Variants in COL6A1 observed in about 807,000 individuals in gnomAD.
The protein encoded by COL6A1 is collagen type VI alpha 1 chain, also known as collagen alpha-1(VI) chain.
In COL6A1, 80 loss-of-function variants were observed where a neutral mutation model predicts 145.6. The observed-to-expected ratio is 0.55, with a 90% CI of 0.46 to 0.66. The LOEUF is 0.66. Among genes scored for constraint, COL6A1 ranks in the 30% least tolerant of loss-of-function variants. The pLI is 0.00. For synonymous variants in COL6A1, 638 were observed against 622.8 expected, an observed-to-expected ratio of 1.02 and a Z score of -0.36; for missense variants, 1,364 against 1,473.8, an observed-to-expected ratio of 0.93 and a Z score of 1.22.
At position 45,987,480 on chromosome 21, in the gene COL6A1, C is replaced by G; in HGVS notation, c.739-19C>G. ...CCGTGGCTTTCCCACTGACTCGTCTCCATGCTTTCCCCCCACAGTGCTGCT... is the reference window on the plus strand; with the variant it reads ...CCGTGGCTTTCCCACTGACTCGTCTGCATGCTTTCCCCCCACAGTGCTGCT... On this transcript the variant is annotated intron_variant, in intron 6 of 34. Transcript: ENST00000361866. 1.2e-6 allele frequency: 2 copies of G among 1,613,078 alleles called. No homozygotes were observed. Among genetic ancestry groups the G allele is most frequent in the South Asian group, 2.2e-5 (2 of 91,086 alleles).
At chr21:45,999,438 A>T (rs2077825577) in intron 26 of COL6A1, 1 of 736,328 alleles carries the variant, frequency 1.4e-6, no homozygotes, top group East Asian at 2.7e-5. Flanking sequence ...GCGGGTCCTC[A>T]GGGTGGGGCC....
At position 46,000,317 on chromosome 21, in the gene COL6A1, C is replaced by G. The variant is rs780492579; in HGVS notation, c.1777-14C>G. 6.8e-6 allele frequency: 11 copies of G among 1,613,920 alleles called. No homozygotes were observed. The highest frequency in any genetic ancestry group is 9.3e-6 in the Non-Finnish European group (11 of 1,179,868). On this transcript the variant is annotated splice_polypyrimidine_tract_variant and intron_variant, in intron 27 of 34. Transcript: ENST00000361866. ...CTGTCTATGGCCCCAGTACCCTCGT[C>G]TCTCCCTCCCCAGGAATGCGAGATT...
chr21:45,983,390 C>T (rs1324276481), intron 2 of COL6A1, among the ~76,000 whole-genome samples: 4 of 146,292 alleles, frequency 2.7e-5, no homozygotes, highest in Admixed American at 6.7e-5. Context: ...TGCACAGGGC[C>T]GCTGAGGGGG....
At chr21:45,995,657 G>A (rs917504029) in intron 20 of COL6A1, among the ~76,000 whole-genome samples, 9 of 152,244 alleles carry the variant, frequency 5.9e-5, no homozygotes, top group African/African-American at 1.9e-4. Flanking sequence ...CAGGCCGGCT[G>A]CAGGGCCTCC....
chr21:45,989,544 G>A, intron 9 of COL6A1, 64 bp from the exon 10 acceptor site: 1 of 1,528,658 alleles, frequency 6.5e-7, no homozygotes, highest in Non-Finnish European at 9.0e-7. Flanking sequence ...GTGTGGGGCT[G>A]GGTGGGACTG....
chr21:46,003,187 G>T, intron 34 of COL6A1, 38 bp downstream of exon 34: 1 of 1,613,742 alleles, frequency 6.2e-7, no homozygotes, highest in South Asian at 1.1e-5. Flanking sequence ...GGGGAGGAGG[G>T]CACCGTGGTT....
chr21:46,003,692 T>C lies in COL6A1; in HGVS notation c.2766T>C (p.Tyr922=), dbSNP rs889975432. ...DATDVNDALG[Y]VTRFYREASS... is the part of the protein sequence containing the mutation. ...CCGACGTCAACGATGCCCTGGGCTA[T>C]GTGACCCGCTTCTACCGCGAGGCCT... The change falls in exon 35 of 35, where the codon TAT becomes TAC. Residue 922 remains tyrosine (Y), a synonymous_variant. Transcript: ENST00000361866. The C allele has an allele frequency of 1.2e-6, 2 of 1,613,080 alleles. No homozygotes were observed. The highest frequency in any genetic ancestry group is 1.7e-5 in the Admixed American group (1 of 60,024).
At chr21:45,998,796 G>A in intron 24 of COL6A1, 101 bp from the exon 25 acceptor site, 1 of 1,325,490 alleles carries the variant, frequency 7.5e-7, no homozygotes, top group South Asian at 1.3e-5. Flanking sequence ...GAAGGGAAGA[G>A]AAGAGTGCCT....
In COL6A1 at chr21:45,981,790, G is replaced by GGGC. The variant is rs943349133; in HGVS notation, c.-48_-46dup. 51 of 1,322,584 alleles carry GGGC rather than the reference G, an allele frequency of 3.9e-5. No individual in the cohort carries two copies. Among genetic ancestry groups the GGGC allele is most frequent in the Non-Finnish European group, 5.1e-5 (49 of 958,118 alleles). The allele number at this position is 1,322,584 out of a possible 1,614,324, so 81.9% of individuals were successfully genotyped here. ...GGAGCAGAAGGCAGCCTCGGTCTCT[G>GGGC]GGCGGCGGCGGCGGCCCACTCTGCC... On this transcript the variant is annotated 5_prime_UTR_variant, in exon 1 of 35. Coordinates refer to ENST00000361866, the MANE Select transcript of COL6A1 (RefSeq NM_001848.3).
chr21:45,999,073 C>T, intron 25 of COL6A1, 80 bp from the exon 26 acceptor site: 1 of 1,543,206 alleles, frequency 6.5e-7, no homozygotes, highest in East Asian at 2.4e-5. Context: ...GCCCCGGCTG[C>T]TGGATGCTCT....
chr21:45,989,913 G>C, intron 11 of COL6A1, 135 bp downstream of exon 11: 1 of 1,197,966 alleles, frequency 8.3e-7, no homozygotes, highest in South Asian at 1.3e-5. Context: ...ACCGCCCCTC[G>C]CCGTCCCCTC....
In COL6A1 at chr21:46,004,002, G is replaced by A. The variant is rs2077866067; in HGVS notation, c.3076G>A (p.Ala1026Thr). 1 of 1,613,124 alleles carries A rather than the reference G, an allele frequency of 6.2e-7. No individual in the cohort carries two copies. Among genetic ancestry groups the A allele is most frequent in the Non-Finnish European group, 8.5e-7 (1 of 1,180,016 alleles). ...CCACCAGACAGTCTCCAGGAAGGTG[G>A]CGCTGGGCTAGCCCACCCTGCACGC... ...VFHQTVSRKVALG is the reference protein window; with the variant it reads ...VFHQTVSRKVTLG The change falls in exon 35 of 35, where the codon GCG becomes ACG. Residue 1026 changes from alanine to threonine, a missense_variant. By Grantham distance (58) the Ala-to-Thr change is moderately conservative. This residue lies in a region of COL6A1 where 938 missense variants were observed against 1,003.8 expected (regional missense o/e 0.93). Coordinates refer to ENST00000361866, the MANE Select transcript of COL6A1 (RefSeq NM_001848.3).
chr21:45,987,342 C>T, intron 6 of COL6A1, 157 bp from the exon 7 acceptor site: 2 of 1,458,108 alleles, frequency 1.4e-6, no homozygotes, highest in Admixed American at 3.3e-5. Flanking sequence ...CCCTGCGTGT[C>T]CACCTGTGTG....
intron 14 of COL6A1, 34 bp from the exon 15 acceptor site, chr21:45,990,945 T>C: frequency 6.2e-7 from 1 of 1,613,116 alleles, no homozygotes; most frequent in East Asian, 2.2e-5. Flanking sequence ...CGGTGGCCTC[T>C]GCCGGTGGTG....
At chr21:45,997,306 G>A (rs1316278133) in intron 20 of COL6A1, 115 bp from the exon 21 acceptor site, 2 of 964,432 alleles carry the variant, frequency 2.1e-6, no homozygotes, top group Non-Finnish European at 3.4e-6. Flanking sequence ...ATGGGACTGG[G>A]GCCAGAGCCT....
intron 3 of COL6A1, among the ~76,000 whole-genome samples, chr21:45,985,403 CAGACAG>C (rs2077733864): frequency 6.6e-6 from 1 of 151,606 alleles, no homozygotes; most frequent in Non-Finnish European, 1.5e-5. Flanking sequence ...GAGACAGGGA[CAGACAG>C]AGACAGAGAG....
rs1421011932 is a variant in COL6A1, at chr21:45,981,911, G to C, written c.61G>C (p.Asp21His). The change falls in exon 1 of 35, where the codon GAT becomes CAT. Residue 21 changes from aspartate to histidine, a missense_variant. Coordinates refer to ENST00000361866, the MANE Select transcript of COL6A1 (RefSeq NM_001848.3). ...LLQACWTAAQDEPETPRAVAF... is the reference protein window; with the variant it reads ...LLQACWTAAQHEPETPRAVAF... The stretch of plus-strand genomic sequence containing the variant: ...GCAGGCCTGCTGGACAGCCGCGCAG[G>C]ATGAGCCGGAGACCCCGAGGGCCGT... The C allele has an allele frequency of 6.2e-7, 1 of 1,607,328 alleles. No individual in the cohort carries two copies. Among genetic ancestry groups the C allele is most frequent in the Non-Finnish European group, 8.5e-7 (1 of 1,178,218 alleles).
intron 16 of COL6A1, 40 bp from the exon 17 acceptor site, chr21:45,992,124 C>G (rs1252772474): frequency 1.9e-6 from 3 of 1,613,466 alleles, no homozygotes; most frequent in African/African-American, 2.7e-5. Flanking sequence ...CAGGGAGGGT[C>G]AAGGAGATGG....
intron 26 of COL6A1, 157 bp downstream of exon 26, chr21:45,999,375 G>T: frequency 1.2e-6 from 1 of 803,834 alleles, no homozygotes; most frequent in Non-Finnish European, 2.0e-6. Context: ...GGGAGGTGCC[G>T]GTCACCAGGG....
Sources: allele counts gnomAD v4.1 joint callset (sites outside exome capture counted in the v4.1 genomes callset), GRCh38; gene constraint gnomAD v4.1.1; regional missense constraint gnomAD v4.1.1; transcripts MANE v1.5; gene names NCBI Gene and HGNC (gene_info 2026-07-23, HGNC 2026-07-21).